The following TUSC3 variants were observed in gnomAD, a reference collection of about 807,000 sequenced individuals.
The protein encoded by TUSC3 is dolichyl-diphosphooligosaccharide--protein glycosyltransferase subunit TUSC3.
Under a neutral mutation model 44.8 loss-of-function variants are expected in TUSC3, and 45 were observed. The observed-to-expected ratio is 1.00, with a 90% CI of 0.79 to 1.29. TUSC3 has a LOEUF of 1.29. Ranked by LOEUF, TUSC3 falls within the 50% of genes most tolerant of loss-of-function variation. The probability of loss-of-function intolerance (pLI) is 0.00; values close to 1 mark genes in which losing one functional copy is unlikely to be tolerated. For missense variants in TUSC3, 519 were observed against 437.9 expected, an observed-to-expected ratio of 1.19 and a Z score of -1.65; for synonymous variants, 212 against 152.9, an observed-to-expected ratio of 1.39 and a Z score of -2.85.
chr8:15,441,299 C>A (rs879830596), intron 1 of TUSC3, among the ~76,000 whole-genome samples: 2 of 152,060 alleles, frequency 1.3e-5, no homozygotes, highest in Non-Finnish European at 2.9e-5. Flanking sequence ...CCCAGCTACT[C>A]AGGAGGCTGA....
At chr8:15,535,208 T>C (rs1222925902) in intron 2 of TUSC3, among the ~76,000 whole-genome samples, 2 of 152,208 alleles carry the variant, frequency 1.3e-5, no homozygotes, top group African/African-American at 4.8e-5. Context: ...TGTAAAACCA[T>C]TGAGACTATA....
chr8:15,472,051 C>A (rs933902197), intron 1 of TUSC3, among the ~76,000 whole-genome samples: 11 of 152,090 alleles, frequency 7.2e-5, no homozygotes, highest in African/African-American at 2.7e-4. Context: ...CAAAATATTT[C>A]TAATTTTTCA....
intron 2 of TUSC3, among the ~76,000 whole-genome samples, chr8:15,527,531 T>C (rs2129130334): frequency 6.6e-6 from 1 of 152,318 alleles, no homozygotes; most frequent in South Asian, 2.1e-4. Context: ...ATATTTCTTT[T>C]TAAAAAATAT....
intron 6 of TUSC3, among the ~76,000 whole-genome samples, chr8:15,680,324 G>C (rs35831716): frequency 0.21 from 31,700 of 151,704 alleles, 4,212 homozygotes; most frequent in Non-Finnish European, 0.3. Flanking sequence ...GTGTGCCTAG[G>C]TAATTTGTGT....
At chr8:15,805,006 G>A in the TUSC3 span, among the ~76,000 whole-genome samples, 7 of 151,876 alleles carry the variant, frequency 4.6e-5, no homozygotes, top group South Asian at 4.2e-4. Flanking sequence ...ATTTTCTTTC[G>A]ACAGTGTTTT....
At chr8:15,749,578 A>C (rs1811602233) in intron 9 of TUSC3, among the ~76,000 whole-genome samples, 1 of 152,000 alleles carries the variant, frequency 6.6e-6, no homozygotes, top group Non-Finnish European at 1.5e-5. Context: ...AATTTTTAAA[A>C]ATATCTGTTC....
intron 2 of TUSC3, among the ~76,000 whole-genome samples, chr8:15,635,042 C>T (rs10788691): frequency 0.56 from 85,226 of 151,898 alleles, 24,030 homozygotes; most frequent in East Asian, 0.7. Context: ...CAGATTAAAT[C>T]TGAATTTCCT....
At chr8:15,694,775 C>G (rs988301191) in intron 6 of TUSC3, among the ~76,000 whole-genome samples, 5 of 152,152 alleles carry the variant, frequency 3.3e-5, no homozygotes, top group African/African-American at 1.2e-4. Context: ...GCTTTGTTCT[C>G]TGGTCCCTCC....
At chr8:15,810,161 G>C in the TUSC3 span, among the ~76,000 whole-genome samples, 3 of 152,130 alleles carry the variant, frequency 2.0e-5, no homozygotes, top group Non-Finnish European at 2.9e-5. Context: ...TAAATTCTCA[G>C]GTCCCACTCC....
the TUSC3 span, among the ~76,000 whole-genome samples, chr8:15,848,997 C>G: frequency 6.6e-6 from 1 of 152,132 alleles, no homozygotes; most frequent in African/African-American, 2.4e-5. Flanking sequence ...ACACGTATTT[C>G]TATATCCCTC....
At chr8:15,718,843 A>G (rs961680768) in intron 6 of TUSC3, among the ~76,000 whole-genome samples, 1 of 152,082 alleles carries the variant, frequency 6.6e-6, no homozygotes, top group Non-Finnish European at 1.5e-5. Flanking sequence ...AATCTTTACT[A>G]TACATCCTAT....
intron 2 of TUSC3, among the ~76,000 whole-genome samples, chr8:15,499,306 C>G (rs1452486106): frequency 6.6e-6 from 1 of 152,212 alleles, no homozygotes; most frequent in Non-Finnish European, 1.5e-5. Context: ...ATAAAAGGCA[C>G]AGGTCAAAGT....
chr8:15,425,698 C>T (rs1031449739), intron 1 of TUSC3, among the ~76,000 whole-genome samples: 11 of 152,156 alleles, frequency 7.2e-5, no homozygotes, highest in African/African-American at 1.4e-4. Flanking sequence ...TTATTCTCTA[C>T]GTTTTATTAA....
intron 1 of TUSC3, among the ~76,000 whole-genome samples, chr8:15,423,748 C>G (rs1412475243): frequency 6.6e-6 from 1 of 152,036 alleles, no homozygotes; most frequent in Non-Finnish European, 1.5e-5. Context: ...CCTTTACTCT[C>G]ATTCTGAAGA....
rs772045544 is a variant in TUSC3, at chr8:15,435,191, GC to G, written n.91+17887del. Among the ~76,000 whole-genome samples the G allele has an allele frequency of 4.0e-5, 6 of 151,136 alleles. No homozygotes were observed. In the East Asian group the frequency reaches 1.2e-3, roughly 29 times the overall value. On this transcript the variant is annotated intron_variant and non_coding_transcript_variant, in intron 1 of 5. Coordinates refer to the TUSC3 transcript ENST00000503191. ...TTCCTATTTCTCCACATCCTCTCCA[GC>G]ACCTGTTGTTTCCTGACTTTTTAAT...
chr8:15,842,478 A>G, the TUSC3 span, among the ~76,000 whole-genome samples: 1 of 152,200 alleles, frequency 6.6e-6, no homozygotes, highest in Non-Finnish European at 1.5e-5. Context: ...CTGACAGTTA[A>G]CAAAGGTTTC....
chr8:15,691,478 T>G (rs1206711727), intron 6 of TUSC3, among the ~76,000 whole-genome samples: 1 of 152,214 alleles, frequency 6.6e-6, no homozygotes, highest in Admixed American at 6.5e-5. Context: ...ACTTCCTCTC[T>G]TTTTATTTTG....
the TUSC3 span, among the ~76,000 whole-genome samples, chr8:15,774,654 C>T: frequency 2.0e-5 from 3 of 152,210 alleles, no homozygotes; most frequent in South Asian, 6.2e-4. Context: ...CTCTAGGAAA[C>T]TAATACAATG....
At chr8:15,737,749 A>ATCTT in intron 7 of TUSC3, among the ~76,000 whole-genome samples, 1 of 152,274 alleles carries the variant, frequency 6.6e-6, no homozygotes, top group South Asian at 2.1e-4. Context: ...CAGACGTAGA[A>ATCTT]TCTTTTCAGA....
Sources: gnomAD v4.1 joint callset for allele counts (sites outside exome capture counted in the v4.1 genomes callset) on GRCh38, gnomAD v4.1.1 for gene constraint, MANE v1.5 for transcripts, NCBI Gene and HGNC (gene_info 2026-07-23, HGNC 2026-07-21) for gene names.